Variants in PPP2R2C observed in about 807,000 individuals in gnomAD.
PPP2R2C encodes the protein protein phosphatase 2 regulatory subunit Bgamma.
A neutral mutation model predicts 45.3 loss-of-function variants in PPP2R2C; 10 were observed. That is an observed-to-expected ratio of 0.22 (90% CI 0.14 to 0.37). The LOEUF is 0.37. PPP2R2C is among the 10% of genes least tolerant of loss of function. The probability of loss-of-function intolerance (pLI) is 1.00; values close to 1 mark genes in which losing one functional copy is unlikely to be tolerated. For missense variants in PPP2R2C, 308 were observed against 619.7 expected (o/e 0.50, Z 5.34); for synonymous variants, 257 against 245.4 (o/e 1.05, Z -0.44).
At chr4:6,337,102 A>ATGTGTGTG (rs1158525075) in intron 6 of PPP2R2C, among the ~76,000 whole-genome samples, 86 of 37,262 alleles carry the variant, frequency 2.3e-3, no homozygotes, top group African/African-American at 0.01. Context: ...TTGTTTCTGT[A>ATGTGTGTG]TGTGTGTGTG....
intron 2 of PPP2R2C, among the ~76,000 whole-genome samples, chr4:6,530,271 C>G (rs1444007877): frequency 1.3e-5 from 2 of 152,106 alleles, no homozygotes; most frequent in East Asian, 3.9e-4. Flanking sequence ...CAGAAAAGGT[C>G]CAAGCCCATC....
intron 8 of PPP2R2C, among the ~76,000 whole-genome samples, chr4:6,327,239 G>A (rs1412437471): frequency 6.6e-6 from 1 of 152,244 alleles, no homozygotes; most frequent in Non-Finnish European, 1.5e-5. Context: ...AAGGACAGAG[G>A]TTCCAGCCGG....
At chr4:6,507,819 C>A (rs939884083) in intron 2 of PPP2R2C, among the ~76,000 whole-genome samples, 2 of 152,256 alleles carry the variant, frequency 1.3e-5, no homozygotes, top group African/African-American at 4.8e-5. Context: ...CCTTCAAGAT[C>A]AGCTCTGACC....
At chr4:6,541,738 C>T (rs544200034) in intron 1 of PPP2R2C, among the ~76,000 whole-genome samples, 23 of 152,220 alleles carry the variant, frequency 1.5e-4, no homozygotes, top group African/African-American at 5.5e-4. Flanking sequence ...TAGAGTTGGC[C>T]AGGCTGGTCT....
At chr4:6,484,411 C>T (rs763483919) in intron 2 of PPP2R2C, among the ~76,000 whole-genome samples, 28 of 151,704 alleles carry the variant, frequency 1.8e-4, no homozygotes, top group Non-Finnish European at 3.1e-4. Context: ...GAAATCAGAT[C>T]GTGTTAGTCC....
intron 1 of PPP2R2C, among the ~76,000 whole-genome samples, chr4:6,444,041 G>A (rs893758851): frequency 4.6e-5 from 7 of 152,174 alleles, no homozygotes; most frequent in Non-Finnish European, 8.8e-5. Context: ...GCCTCCTGCA[G>A]CCCTCTGCCC....
chr4:6,435,799 T>A (rs985414717), intron 1 of PPP2R2C, among the ~76,000 whole-genome samples: 4 of 152,172 alleles, frequency 2.6e-5, no homozygotes, highest in Non-Finnish European at 5.9e-5. Flanking sequence ...TAGACTGCTT[T>A]TTGAAAATAT....
Position 6,526,008 on chromosome 4 carries a change from T to C in PPP2R2C, c.49+9263A>G, listed in dbSNP as rs138682523. Among the ~76,000 whole-genome samples, 189 of 152,334 alleles carry C rather than the reference T, an allele frequency of 1.2e-3. 2 individuals carry two copies. The East Asian group carries it at 0.032, about 26-fold the overall frequency. On this transcript the variant is annotated intron_variant, in intron 2 of 9. Coordinates refer to the PPP2R2C transcript ENST00000506140. Reference sequence around the variant, plus strand: ...GTGAGCCACGTTGCCCAGCCCAGCATTCCTTCTTGATAAGAGTCCTGATCT... The same window carrying C: ...GTGAGCCACGTTGCCCAGCCCAGCACTCCTTCTTGATAAGAGTCCTGATCT...
intron 1 of PPP2R2C, among the ~76,000 whole-genome samples, chr4:6,544,821 A>G (rs1724924290): frequency 6.6e-6 from 1 of 152,266 alleles, no homozygotes; most frequent in African/African-American, 2.4e-5. Context: ...ACAAACTCCC[A>G]GAAGCAAACC....
chr4:6,485,110 T>C (rs1465337788), intron 2 of PPP2R2C, among the ~76,000 whole-genome samples: 1 of 151,912 alleles, frequency 6.6e-6, no homozygotes, highest in Admixed American at 6.5e-5. Flanking sequence ...ATTTTATCAA[T>C]TTTATCAAGA....
At chr4:6,500,759 G>C (rs117785570) in intron 2 of PPP2R2C, among the ~76,000 whole-genome samples, 1 of 152,262 alleles carries the variant, frequency 6.6e-6, no homozygotes, top group South Asian at 2.1e-4. Flanking sequence ...ATACCCTGTA[G>C]GTGCCCCAGG....
At chr4:6,473,741 G>C (rs1011201746), upstream of PPP2R2C, among the ~76,000 whole-genome samples, 2 of 152,246 alleles carry the variant, frequency 1.3e-5, no homozygotes. Context: ...GTCCAAAGGC[G>C]TTGGGGGCAG....
intron 1 of PPP2R2C, among the ~76,000 whole-genome samples, chr4:6,554,932 A>ATGG (rs1725322071): frequency 1.3e-5 from 1 of 74,254 alleles, no homozygotes; most frequent in South Asian, 3.3e-4. Flanking sequence ...GGAAGGAAGG[A>ATGG]AAGAAAGAAA....
chr4:6,347,468 G>C (rs1419639124), intron 6 of PPP2R2C, among the ~76,000 whole-genome samples: 2 of 152,144 alleles, frequency 1.3e-5, no homozygotes, highest in Non-Finnish European at 2.9e-5. Context: ...AGTTTTGGAA[G>C]AGGGAAGCTT....
intron 2 of PPP2R2C, among the ~76,000 whole-genome samples, chr4:6,478,247 G>A (rs1016161482): frequency 6.6e-6 from 1 of 152,222 alleles, no homozygotes; most frequent in Non-Finnish European, 1.5e-5. Flanking sequence ...CACAGGGGAG[G>A]TCATTAGTGC....
chr4:6,329,127 G>T lies in PPP2R2C; in HGVS notation c.1052+135C>A. 1 of 747,116 alleles carries T rather than the reference G, an allele frequency of 1.3e-6. No individual in the cohort carries two copies. The highest frequency in any genetic ancestry group is 2.3e-6 in the Non-Finnish European group (1 of 440,158). 46.3% of individuals were successfully genotyped at this position (747,116 alleles called of 1,614,324 possible). A position where few individuals can be genotyped will look rare whatever the true frequency, so the allele number is the denominator to read the frequency against. On this transcript the variant is annotated intron_variant, in intron 8 of 8. Coordinates refer to ENST00000382599, the MANE Select transcript of PPP2R2C (RefSeq NM_020416.4). The surrounding 1 kb of genome is among the most constrained non-coding windows in gnomAD (Gnocchi z 5.8). Reference sequence around the variant, plus strand: ...GTTGGACCTGCTCTGGAAAGCGTGGGCTTCACCCAGACACCTGGACCCATT... The same window carrying T: ...GTTGGACCTGCTCTGGAAAGCGTGGTCTTCACCCAGACACCTGGACCCATT...
intron 2 of PPP2R2C, among the ~76,000 whole-genome samples, chr4:6,512,502 G>A (rs1458822482): frequency 3.2e-5 from 4 of 123,152 alleles, no homozygotes; most frequent in African/African-American, 1.1e-4. Flanking sequence ...TGGTGGTGGT[G>A]GTGGTGATGT....
At chr4:6,420,988 T>C (rs1225946703) in intron 1 of PPP2R2C, 1 of 985,130 alleles carries the variant, frequency 1.0e-6, no homozygotes, top group African/African-American at 1.7e-5. Flanking sequence ...CTTGGGCAGC[T>C]GGTTCTCCTC....
chr4:6,541,406 C>A (rs1410131372), intron 1 of PPP2R2C, among the ~76,000 whole-genome samples: 2 of 151,078 alleles, frequency 1.3e-5, no homozygotes, highest in Non-Finnish European at 1.5e-5. Flanking sequence ...TAATTAATAT[C>A]TGTTTCTCTC....
Sources: gnomAD v4.1 joint callset for allele counts (sites outside exome capture counted in the v4.1 genomes callset) on GRCh38, gnomAD v4.1.1 for gene constraint, Gnocchi (gnomAD v3.1) non-coding constraint, MANE v1.5 for transcripts, NCBI Gene and HGNC (gene_info 2026-07-23, HGNC 2026-07-21) for gene names.